MCTP2: variants seen among roughly 807,000 people sequenced by gnomAD.
MCTP2 encodes the protein multiple C2 and transmembrane domain containing 2, also known as multiple C2 and transmembrane domain-containing protein 2.
In MCTP2, 132 loss-of-function variants were observed where a neutral mutation model predicts 111.6. The ratio of observed to expected loss-of-function variants is 1.18; its 90% CI spans 1.03 to 1.37. The LOEUF (loss-of-function observed/expected upper bound fraction) is 1.37. MCTP2 is among the 40% of genes most tolerant of loss of function. The pLI is 0.00. For synonymous variants in MCTP2, 395 were observed against 387.7 expected (o/e 1.02, Z -0.22); for missense variants, 1,183 against 1,067.9 (o/e 1.11, Z -1.50).
In MCTP2 at chr15:94,402,340, A is replaced by C. The variant is rs140091081; in HGVS notation, c.2085+321A>C. 74 of 1,443,432 alleles carry C rather than the reference A, an allele frequency of 5.1e-5. No individual in the cohort carries two copies. In the East Asian group the frequency reaches 1.7e-3, roughly 33 times the overall value. 89.4% of individuals were successfully genotyped at this position (1,443,432 alleles called of 1,614,324 possible). A position where few individuals can be genotyped will look rare whatever the true frequency, so the allele number is the denominator to read the frequency against. On this transcript the variant is annotated intron_variant, in intron 17 of 22. Coordinates refer to ENST00000357742, the MANE Select transcript of MCTP2 (RefSeq NM_001385001.1). ...CCGCCCATAATTTCTGAAAAATGGC[A>C]TCTGAAAAATCACAGGACTAAATAA...
chr15:94,386,937 T>C lies in MCTP2; in HGVS notation c.1788+1412T>C, dbSNP rs2080523933. Among the ~76,000 whole-genome samples the C allele has an allele frequency of 2.0e-5, 3 of 152,094 alleles. 1 individual carries two copies. Among genetic ancestry groups the C allele is most frequent in the Admixed American group, 6.5e-5 (1 of 15,274 alleles). ...TTCCTTTCCCCAAACCCTTACCCGA[T>C]TCTGTCTTTCTCTTCTTCCCTCCTT... is the stretch of plus-strand genomic sequence containing the variant. On this transcript the variant is annotated intron_variant, in intron 14 of 22. Coordinates refer to ENST00000357742, the MANE Select transcript of MCTP2 (RefSeq NM_001385001.1).
intron 17 of MCTP2, 26 bp downstream of exon 17, chr15:94,402,045 C>T: frequency 6.2e-7 from 1 of 1,604,604 alleles, no homozygotes; most frequent in East Asian, 2.2e-5. Context: ...TATGTTCAAA[C>T]TATTTGCTTC....
chr15:94,300,030 G>A (rs754738177), intron 2 of MCTP2, among the ~76,000 whole-genome samples: 1 of 152,112 alleles, frequency 6.6e-6, no homozygotes, highest in Non-Finnish European at 1.5e-5. Context: ...AAATGCAAAT[G>A]AAGTAGATTA....
rs149605421 is a variant in MCTP2, at chr15:94,358,564, T to C, written c.1253T>C (p.Ile418Thr). ...TCTGACAGGATGGGCATTTTGGACA[T>C]TGAAGTGTGGGGAAAGGACAACAAA... The part of the protein sequence containing the change: ...YFSDRMGILD[I>T]EVWGKDNKKH... The change falls in exon 10 of 23, where the codon ATT becomes ACT. Residue 418 changes from isoleucine (I) to threonine (T), a missense_variant. Transcript: ENST00000357742. 1.2e-6 allele frequency: 2 copies of C among 1,613,820 alleles called. No homozygotes were observed. Among genetic ancestry groups the C allele is most frequent in the African/African-American group, 2.7e-5 (2 of 75,012 alleles).
At position 94,309,654 on chromosome 15, in the gene MCTP2, G is replaced by C. The variant is rs533926296; in HGVS notation, c.466-4628G>C. Among the ~76,000 whole-genome samples, 54 of 152,208 alleles carry C rather than the reference G, an allele frequency of 3.5e-4. 1 individual carries two copies. The highest frequency in any genetic ancestry group is 6.9e-4 in the Non-Finnish European group (47 of 68,032). Reference sequence around the variant, plus strand: ...TCAATCTCAAAGTCCTTGGTGACTAGAGAAGATTTTCTTTTTAAAATAATT... The same window carrying C: ...TCAATCTCAAAGTCCTTGGTGACTACAGAAGATTTTCTTTTTAAAATAATT... On this transcript the variant is annotated intron_variant, in intron 2 of 22. Coordinates refer to ENST00000357742, the MANE Select transcript of MCTP2 (RefSeq NM_001385001.1).
At chr15:94,402,669 A>G in intron 17 of MCTP2, 1 of 1,507,848 alleles carries the variant, frequency 6.6e-7, no homozygotes, top group South Asian at 1.3e-5. Context: ...TCATGCCTTC[A>G]CTTTATATCT....
chr15:94,393,053 AT>A lies in MCTP2; in HGVS notation c.1789-5907del, dbSNP rs551944901. ...AATTATGCACATTTTAATAAAGGAA[AT>A]ATTTGCAAATACTATCTGATAATAT... On this transcript the variant is annotated intron_variant, in intron 14 of 22. Transcript: ENST00000357742. Among the ~76,000 whole-genome samples the A allele has an allele frequency of 2.6e-5, 4 of 152,276 alleles. No homozygotes were observed. In the East Asian group the frequency reaches 5.8e-4, roughly 22 times the overall value.
chr15:94,256,701 T>C (rs546202740), intron 1 of MCTP2, among the ~76,000 whole-genome samples: 1 of 152,208 alleles, frequency 6.6e-6, no homozygotes, highest in Non-Finnish European at 1.5e-5. Flanking sequence ...CCCATGTTCC[T>C]CTTTCCTGAG....
At chr15:94,348,188 T>C (rs1386540692) in intron 8 of MCTP2, among the ~76,000 whole-genome samples, 1 of 151,916 alleles carries the variant, frequency 6.6e-6, no homozygotes, top group African/African-American at 2.4e-5. Flanking sequence ...TTTGGTTTTA[T>C]ATTCTTTTAT....
intron 19 of MCTP2, among the ~76,000 whole-genome samples, chr15:94,455,992 T>C (rs957431854): frequency 6.6e-6 from 1 of 152,310 alleles, no homozygotes; most frequent in East Asian, 1.9e-4. Context: ...TTTATTTTAA[T>C]GCACAAAAAT....
intron 17 of MCTP2, among the ~76,000 whole-genome samples, chr15:94,418,645 C>T (rs1187207735): frequency 2.0e-5 from 3 of 151,988 alleles, no homozygotes; most frequent in South Asian, 2.1e-4. Flanking sequence ...CCTTTATGAG[C>T]GGTGTGGGGA....
chr15:94,422,652 A>G (rs538322474), intron 17 of MCTP2, among the ~76,000 whole-genome samples: 16 of 152,130 alleles, frequency 1.1e-4, no homozygotes, highest in Non-Finnish European at 2.4e-4. Context: ...TTCAAATCAC[A>G]TTCTCAACTT....
At chr15:94,363,018 G>A (rs1280049419) in intron 10 of MCTP2, among the ~76,000 whole-genome samples, 1 of 152,158 alleles carries the variant, frequency 6.6e-6, no homozygotes, top group Non-Finnish European at 1.5e-5. Flanking sequence ...TTAAATCTAA[G>A]AGGCACCTAG....
At chr15:94,471,625 A>G (rs1194641670) in intron 21 of MCTP2, among the ~76,000 whole-genome samples, 2 of 152,134 alleles carry the variant, frequency 1.3e-5, no homozygotes, top group Admixed American at 6.6e-5. Flanking sequence ...GATGATCCTG[A>G]TTCTTGGAGG....
chr15:94,383,148 C>T lies in MCTP2; in HGVS notation c.1583-874C>T, dbSNP rs560559649. ...AAATGTAGCTCGTGTATTCTCATAA[C>T]GTACTGAGTATACAGGATCATGAGT... On this transcript the variant is annotated intron_variant, in intron 12 of 22. Transcript: ENST00000357742. Among the ~76,000 whole-genome samples the T allele has an allele frequency of 1.6e-4, 25 of 152,212 alleles. No homozygotes were observed. In the South Asian group the frequency reaches 5.2e-3, roughly 32 times the overall value.
At chr15:94,396,557 G>C (rs1295722967) in intron 14 of MCTP2, among the ~76,000 whole-genome samples, 2 of 151,970 alleles carry the variant, frequency 1.3e-5, no homozygotes, top group Non-Finnish European at 2.9e-5. Context: ...TGTTTTAGAA[G>C]TTCAATTATA....
chr15:94,457,310 T>A (rs2084894042), intron 19 of MCTP2, among the ~76,000 whole-genome samples: 1 of 152,186 alleles, frequency 6.6e-6, no homozygotes, highest in Admixed American at 6.5e-5. Flanking sequence ...TCCTGACATT[T>A]GAGTGATTTC....
chr15:94,334,355 T>C lies in MCTP2; in HGVS notation c.638-4935T>C, dbSNP rs866031108. 2.6e-5 allele frequency among the ~76,000 whole-genome samples: 4 copies of C among 152,352 alleles called. 1 individual carries two copies. The Middle Eastern group carries it at 0.01, about 389-fold the overall frequency. ...TCTAACTTCAAAATTTATTCATTCATTCATCACATAAGTATAATCCATCTA... is the reference window on the plus strand; with the variant it reads ...TCTAACTTCAAAATTTATTCATTCACTCATCACATAAGTATAATCCATCTA... On this transcript the variant is annotated intron_variant, in intron 4 of 22. Transcript: ENST00000357742.
At position 94,388,973 on chromosome 15, in the gene MCTP2, G is replaced by T. The variant is rs2080692811; in HGVS notation, c.1788+3448G>T. On this transcript the variant is annotated intron_variant, in intron 14 of 22. Coordinates refer to ENST00000357742, the MANE Select transcript of MCTP2 (RefSeq NM_001385001.1). The stretch of plus-strand genomic sequence containing the variant: ...AACCACTGTGCTATGTGCCGTCAGG[G>T]TCGGGGTTGGGGGGTGGCAGGAGGG... Among the ~76,000 whole-genome samples, 3 of 152,306 alleles carry T rather than the reference G, an allele frequency of 2.0e-5. No individual in the cohort carries two copies. In the Middle Eastern group the frequency reaches 0.01, roughly 518 times the overall value.
Sources: allele counts gnomAD v4.1 joint callset (sites outside exome capture counted in the v4.1 genomes callset), GRCh38; gene constraint gnomAD v4.1.1; transcripts MANE v1.5; gene names NCBI Gene and HGNC (gene_info 2026-07-23, HGNC 2026-07-21).